Variants in KCNAB2 observed in about 807,000 individuals in gnomAD.
KCNAB2 encodes the protein potassium voltage-gated channel subfamily A regulatory beta subunit 2.
In KCNAB2, 29 loss-of-function variants were observed where a neutral mutation model predicts 63.6. The observed-to-expected ratio is 0.46, with a 90% CI of 0.34 to 0.62. The LOEUF (loss-of-function observed/expected upper bound fraction) is 0.62. Ranked by LOEUF, KCNAB2 falls within the 20% of genes least tolerant of loss-of-function variation. KCNAB2 has a pLI of 0.01. For synonymous variants in KCNAB2, 222 were observed against 224.2 expected, an observed-to-expected ratio of 0.99 and a Z score of 0.09; for missense variants, 359 against 563.9, an observed-to-expected ratio of 0.64 and a Z score of 3.68.
At chr1:6,032,195 G>C (rs1659672034), upstream of KCNAB2, among the ~76,000 whole-genome samples, 1 of 152,148 alleles carries the variant, frequency 6.6e-6, no homozygotes, top group South Asian at 2.1e-4. Flanking sequence ...CTGCAGTTGA[G>C]AAAACACCTC....
At chr1:6,057,048 G>A (rs1402570220) in intron 2 of KCNAB2, among the ~76,000 whole-genome samples, 2 of 151,540 alleles carry the variant, frequency 1.3e-5, no homozygotes, top group Non-Finnish European at 1.5e-5. Flanking sequence ...AGTTTAGGTC[G>A]GAAGGCGCTG....
intron 1 of KCNAB2, among the ~76,000 whole-genome samples, chr1:6,004,127 G>T (rs962716681): frequency 6.6e-6 from 1 of 152,186 alleles, no homozygotes; most frequent in Non-Finnish European, 1.5e-5. Context: ...AGCAGAAGCA[G>T]GGCTGGGGCC....
intron 1 of KCNAB2, among the ~76,000 whole-genome samples, chr1:6,027,128 C>T (rs190095663): frequency 6.6e-6 from 1 of 152,336 alleles, no homozygotes; most frequent in Non-Finnish European, 1.5e-5. Flanking sequence ...CCTGCGTCCC[C>T]TCTCACTTGC....
rs1663009668 is a variant in KCNAB2, at chr1:6,069,379, T to C, written c.219-3376T>C. ...CCCGGAGCCTTCCAGCTCCGGCCCT[T>C]CCCAAGTCTGAAGTGCAGTTTTTAG... On this transcript the variant is annotated intron_variant, in intron 2 of 15. Transcript: ENST00000378083. The surrounding 1 kb of genome is among the most constrained non-coding windows in gnomAD (Gnocchi z 5.4). 6.6e-6 allele frequency among the ~76,000 whole-genome samples: 1 copy of C among 152,044 alleles called. No individual in the cohort carries two copies. The highest frequency in any genetic ancestry group is 1.5e-5 in the Non-Finnish European group (1 of 67,998).
At chr1:6,097,745 G>A (rs144519584) in intron 15 of KCNAB2, 2 of 450,160 alleles carry the variant, frequency 4.4e-6, no homozygotes, top group African/African-American at 4.0e-5. Context: ...CCTGCGGGAA[G>A]AACCTTCCAC....
chr1:5,999,866 C>T (rs772439867), intron 1 of KCNAB2, among the ~76,000 whole-genome samples: 2 of 151,480 alleles, frequency 1.3e-5, no homozygotes, highest in African/African-American at 4.9e-5. Context: ...ACCCTGCCTG[C>T]GCCATCTGCG....
intron 2 of KCNAB2, among the ~76,000 whole-genome samples, chr1:6,056,053 GT>G (rs139394875): frequency 0.29 from 43,902 of 151,320 alleles, 6,889 homozygotes; most frequent in African/African-American, 0.41. Context: ...CACTTCCCCA[GT>G]TTTTTTTTGA....
At chr1:6,047,167 G>T (rs1232438223) in intron 1 of KCNAB2, among the ~76,000 whole-genome samples, 1 of 152,188 alleles carries the variant, frequency 6.6e-6, no homozygotes, top group Non-Finnish European at 1.5e-5. Flanking sequence ...CGGGATTTGG[G>T]ATATTTTGAA....
At position 6,074,784 on chromosome 1, in the gene KCNAB2, A is replaced by G. The variant is rs1265204429; in HGVS notation, c.300+1014A>G. Reference sequence around the variant, plus strand: ...AGCCTGGCCAACATGGTGAAACCCCATGTCTACTAAAAATACAAAAATTAG... The same window carrying G: ...AGCCTGGCCAACATGGTGAAACCCCGTGTCTACTAAAAATACAAAAATTAG... On this transcript the variant is annotated intron_variant, in intron 4 of 15. Transcript: ENST00000378083. The surrounding 1 kb of genome is among the most constrained non-coding windows in gnomAD (Gnocchi z 4.9). Among the ~76,000 whole-genome samples the G allele has an allele frequency of 6.6e-6, 1 of 152,026 alleles. No homozygotes were observed. Among genetic ancestry groups the G allele is most frequent in the Non-Finnish European group, 1.5e-5 (1 of 68,014 alleles).
rs1663415756 is a variant in KCNAB2 at position 6,073,655 on chromosome 1, A to G, written c.263-78A>G. On this transcript the variant is annotated intron_variant, in intron 3 of 15. Transcript: ENST00000378083. This position sits in a 1 kb window ranked among gnomAD's most constrained non-coding sequence, Gnocchi z 5.7. The stretch of plus-strand genomic sequence containing the variant: ...CCTGTGGCTGCCCCCTGTGCCCTAC[A>G]GCCTGAGGTCTGAGCACCGACGGGA... 3 of 1,406,526 alleles carry G rather than the reference A, an allele frequency of 2.1e-6. No homozygotes were observed. The highest frequency in any genetic ancestry group is 3.0e-6 in the Non-Finnish European group (3 of 991,500). 87.1% of individuals were successfully genotyped at this position (1,406,526 alleles called of 1,614,324 possible). A position where few individuals can be genotyped will look rare whatever the true frequency, so the allele number is the denominator to read the frequency against.
chr1:6,038,559 C>T (rs1044989471), intron 1 of KCNAB2, among the ~76,000 whole-genome samples: 1 of 152,174 alleles, frequency 6.6e-6, no homozygotes, highest in Non-Finnish European at 1.5e-5. Context: ...AAGCAATCCT[C>T]CTGCCTCGGC....
intron 1 of KCNAB2, among the ~76,000 whole-genome samples, chr1:6,018,115 G>A (rs1354288489): frequency 2.0e-5 from 3 of 151,916 alleles, no homozygotes; most frequent in Non-Finnish European, 1.5e-5. Flanking sequence ...TTGTAATTTT[G>A]TAGAAAAGGT....
chr1:6,039,860 C>A (rs542801785), intron 1 of KCNAB2, among the ~76,000 whole-genome samples: 2 of 152,348 alleles, frequency 1.3e-5, no homozygotes, highest in South Asian at 4.1e-4. Flanking sequence ...TCATCAGAGC[C>A]AGGAGGGACA....
chr1:6,064,108 G>C (rs986637774), intron 2 of KCNAB2, among the ~76,000 whole-genome samples: 1 of 152,224 alleles, frequency 6.6e-6, no homozygotes, highest in African/African-American at 2.4e-5. Context: ...CAGAGAATGC[G>C]TAAGGAAGAG....
In KCNAB2 at chr1:6,000,362, T is replaced by A. The variant is rs769397534; in HGVS notation, c.-53+7574T>A. Among the ~76,000 whole-genome samples, 71 of 152,202 alleles carry A rather than the reference T, an allele frequency of 4.7e-4. 1 individual carries two copies. The highest frequency in any genetic ancestry group is 8.2e-4 in the Non-Finnish European group (56 of 68,036). On this transcript the variant is annotated intron_variant, in intron 1 of 16. Coordinates refer to the KCNAB2 transcript ENST00000341524. The stretch of plus-strand genomic sequence containing the variant: ...AAATCCCAACTCAAAACCTCCCCGT[T>A]CCGCAGGGACACAGGGTGCTTTGCT...
chr1:6,093,166 C>T (rs1441069381), intron 10 of KCNAB2, among the ~76,000 whole-genome samples: 1 of 152,250 alleles, frequency 6.6e-6, no homozygotes, highest in Non-Finnish European at 1.5e-5. Flanking sequence ...ACCTCAGCTT[C>T]CACGCAGCAT....
At chr1:6,031,376 C>T (rs183572426), upstream of KCNAB2, among the ~76,000 whole-genome samples, 11 of 152,308 alleles carry the variant, frequency 7.2e-5, no homozygotes, top group East Asian at 1.4e-3. The surrounding 1 kb of genome is among the most constrained non-coding windows in gnomAD (Gnocchi z 4.1). Context: ...GGCACATTTG[C>T]GCCCAATATA....
At chr1:6,072,429 A>G (rs532586316) in intron 2 of KCNAB2, among the ~76,000 whole-genome samples, 1 of 152,304 alleles carries the variant, frequency 6.6e-6, no homozygotes, top group African/African-American at 2.4e-5. Flanking sequence ...GGATGGTGCC[A>G]TGGGGGTGAG....
intron 1 of KCNAB2, among the ~76,000 whole-genome samples, chr1:6,039,428 C>A (rs1660317725): frequency 6.6e-6 from 1 of 152,120 alleles, no homozygotes; most frequent in Admixed American, 6.6e-5. Flanking sequence ...TGGGAGGGGA[C>A]CCAGGGGTTC....
Sources: gnomAD v4.1 joint callset for allele counts (sites outside exome capture counted in the v4.1 genomes callset) on GRCh38, gnomAD v4.1.1 for gene constraint, Gnocchi (gnomAD v3.1) non-coding constraint, MANE v1.5 for transcripts, NCBI Gene and HGNC (gene_info 2026-07-23, HGNC 2026-07-21) for gene names.